The following DSCAM variants were observed in gnomAD, a reference collection of about 807,000 sequenced individuals.
DSCAM encodes cell adhesion molecule DSCAM.
DSCAM carries 47 observed loss-of-function variants against 217.7 expected under a neutral mutation model. That is an observed-to-expected ratio of 0.22 (90% CI 0.17 to 0.28). DSCAM has a LOEUF of 0.28. DSCAM is among the 10% of genes least tolerant of loss of function. The probability of loss-of-function intolerance (pLI) is 1.00; values close to 1 mark genes in which losing one functional copy is unlikely to be tolerated. For missense variants in DSCAM, 2,080 were observed against 2,618.3 expected (o/e 0.79, Z 4.49); for synonymous variants, 1,056 against 1,015.3 (o/e 1.04, Z -0.76).
At position 40,808,089 on chromosome 21, in the gene DSCAM, C is replaced by T. The variant is rs535910991; in HGVS notation, c.43+38530G>A. ...ACGCCTCCTCCCCAAAGACATCACTCATCCAATGACTGGTCAATGGGTGTT... is the reference window on the plus strand; with the variant it reads ...ACGCCTCCTCCCCAAAGACATCACTTATCCAATGACTGGTCAATGGGTGTT... On this transcript the variant is annotated intron_variant, in intron 1 of 32. Coordinates refer to ENST00000400454, the MANE Select transcript of DSCAM (RefSeq NM_001389.5). Among the ~76,000 whole-genome samples the T allele has an allele frequency of 2.6e-5, 4 of 152,294 alleles. No individual in the cohort carries two copies. The South Asian group carries it at 6.2e-4, about 24-fold the overall frequency.
At chr21:40,043,579 T>G (rs2088793569) in intron 31 of DSCAM, among the ~76,000 whole-genome samples, 1 of 152,198 alleles carries the variant, frequency 6.6e-6, no homozygotes, top group Non-Finnish European at 1.5e-5. Flanking sequence ...ACTTGGTGGT[T>G]GATGGCATAG....
chr21:40,343,760 A>G (rs11701859), intron 6 of DSCAM, among the ~76,000 whole-genome samples: 12,717 of 151,916 alleles, frequency 0.084, 1,200 homozygotes, highest in African/African-American at 0.23. Context: ...CCTGCAACAA[A>G]TAATTCTGCC....
intron 1 of DSCAM, among the ~76,000 whole-genome samples, chr21:40,714,575 T>A (rs544563133): frequency 2.6e-5 from 4 of 152,190 alleles, no homozygotes; most frequent in African/African-American, 7.2e-5. Context: ...CTTTTTGGAA[T>A]GGGAATGTCC....
intron 3 of DSCAM, among the ~76,000 whole-genome samples, chr21:40,539,258 AC>A (rs912722176): frequency 2.0e-5 from 3 of 152,110 alleles, no homozygotes; most frequent in African/African-American, 4.8e-5. Flanking sequence ...TAATCCCAGC[AC>A]TTTGGGAGGC....
chr21:40,643,841 T>G (rs2089911814), intron 3 of DSCAM, among the ~76,000 whole-genome samples: 1 of 152,222 alleles, frequency 6.6e-6, no homozygotes, highest in South Asian at 2.1e-4. Context: ...GAGGCCAAAC[T>G]TGCCAACACT....
chr21:40,295,932 G>T, intron 10 of DSCAM, 123 bp downstream of exon 10: 1 of 1,203,456 alleles, frequency 8.3e-7, no homozygotes, highest in Non-Finnish European at 1.1e-6. Context: ...TGATAGGCTT[G>T]GTGGAAACAG....
rs192033790 is a variant in DSCAM, at chr21:40,240,626, C to T, written c.2356+35471G>A. The stretch of plus-strand genomic sequence containing the variant: ...AATTTCTTCCCCATTCCCGTCCTTT[C>T]CTCTGCTTACTGAAACTGCATAGTT... On this transcript the variant is annotated intron_variant, in intron 11 of 32. Transcript: ENST00000400454. Among the ~76,000 whole-genome samples the T allele has an allele frequency of 3.5e-3, 532 of 152,224 alleles. 3 individuals are homozygous for T. Among genetic ancestry groups the T allele is most frequent in the African/African-American group, 0.012 (481 of 41,516 alleles).
intron 3 of DSCAM, among the ~76,000 whole-genome samples, chr21:40,581,028 G>T (rs549144100): frequency 1.8e-4 from 28 of 152,320 alleles, no homozygotes; most frequent in East Asian, 7.7e-4. Flanking sequence ...GAAAATGAAA[G>T]CTGTGTTTTG....
chr21:40,790,484 A>G (rs751673254), intron 1 of DSCAM, among the ~76,000 whole-genome samples: 1 of 152,186 alleles, frequency 6.6e-6, no homozygotes. Flanking sequence ...AATAGAACCT[A>G]TACTAGTTCT....
intron 1 of DSCAM, among the ~76,000 whole-genome samples, chr21:40,764,354 C>T (rs2091366526): frequency 6.6e-6 from 1 of 151,290 alleles, no homozygotes; most frequent in Non-Finnish European, 1.5e-5. Context: ...AAAAAAAGCT[C>T]ATCATCACTG....
intron 1 of DSCAM, among the ~76,000 whole-genome samples, chr21:40,805,088 C>A (rs1411506972): frequency 6.6e-6 from 1 of 152,170 alleles, no homozygotes. Context: ...CATGACCTCC[C>A]AAATGGCCTT....
At chr21:40,753,930 GCTT>G (rs1265250788) in intron 1 of DSCAM, among the ~76,000 whole-genome samples, 10 of 152,184 alleles carry the variant, frequency 6.6e-5, no homozygotes, top group African/African-American at 2.4e-4. Context: ...ATGACCTTGA[GCTT>G]CCACTTAACC....
Position 40,827,114 on chromosome 21 carries a change from G to A in DSCAM, c.43+19505C>T, listed in dbSNP as rs77335012. 3.6e-4 allele frequency among the ~76,000 whole-genome samples: 55 copies of A among 152,220 alleles called. No homozygotes were observed. The East Asian group carries it at 7.1e-3, about 20-fold the overall frequency. Reference sequence around the variant, plus strand: ...AGCTCACCAAAGACACTGAGAAGGAGAAGCCAGTGAGGCAGAGGGAAACCC... The same window carrying A: ...AGCTCACCAAAGACACTGAGAAGGAAAAGCCAGTGAGGCAGAGGGAAACCC... On this transcript the variant is annotated intron_variant, in intron 1 of 32. Coordinates refer to ENST00000400454, the MANE Select transcript of DSCAM (RefSeq NM_001389.5).
chr21:40,023,614 G>A (rs2088318316), intron 32 of DSCAM, among the ~76,000 whole-genome samples: 5 of 113,626 alleles, frequency 4.4e-5, no homozygotes, highest in South Asian at 3.7e-4. Flanking sequence ...TTTCTCTGAT[G>A]GCCAGTGATG....
chr21:40,173,838 T>A (rs532019596), intron 15 of DSCAM, among the ~76,000 whole-genome samples: 2 of 152,308 alleles, frequency 1.3e-5, no homozygotes, highest in African/African-American at 4.8e-5. Context: ...CCTTCCATAA[T>A]CCACACCTTC....
chr21:40,157,163 C>T (rs2146749912), intron 16 of DSCAM, among the ~76,000 whole-genome samples: 1 of 152,242 alleles, frequency 6.6e-6, no homozygotes, highest in South Asian at 2.1e-4. Context: ...TTCACCTTTC[C>T]TAGGTGAAGT....
intron 11 of DSCAM, among the ~76,000 whole-genome samples, chr21:40,275,170 TAA>T (rs67678625): frequency 5.0e-4 from 61 of 120,948 alleles, no homozygotes; most frequent in Middle Eastern, 4.0e-3. Context: ...TATAAAAAAT[TAA>T]AAAAAAAAAA....
intron 19 of DSCAM, among the ~76,000 whole-genome samples, chr21:40,129,143 C>T (rs1454506501): frequency 6.6e-6 from 1 of 152,112 alleles, no homozygotes; most frequent in Non-Finnish European, 1.5e-5. Flanking sequence ...TGTGCATGCA[C>T]AAACATGCAT....
At chr21:40,171,104 G>C (rs139354013) in intron 15 of DSCAM, among the ~76,000 whole-genome samples, 2,726 of 152,188 alleles carry the variant, frequency 0.018, 37 homozygotes, top group Non-Finnish European at 0.029. Flanking sequence ...TTGAGACAGG[G>C]TCTCACTCTG....
Sources: allele counts gnomAD v4.1 joint callset (sites outside exome capture counted in the v4.1 genomes callset), GRCh38; gene constraint gnomAD v4.1.1; transcripts MANE v1.5; gene names NCBI Gene and HGNC (gene_info 2026-07-23, HGNC 2026-07-21).